The following PABPC4 variants were observed in gnomAD, a reference collection of about 807,000 sequenced individuals.
The protein encoded by PABPC4 is polyadenylate-binding protein 4.
PABPC4 carries 15 observed loss-of-function variants against 74.5 expected under a neutral mutation model. The ratio of observed to expected loss-of-function variants is 0.20; its 90% confidence interval spans 0.13 to 0.31. The LOEUF is 0.31. Ranked by LOEUF, PABPC4 falls within the 10% of genes least tolerant of loss-of-function variation. The pLI is 1.00. For synonymous variants in PABPC4, 345 were observed against 303.0 expected (o/e 1.14, Z -1.44); for missense variants, 610 against 853.5 (o/e 0.71, Z 3.55).
intron 7 of PABPC4, among the ~76,000 whole-genome samples, chr1:39,566,382 A>G (rs185140289): frequency 6.6e-6 from 1 of 152,312 alleles, no homozygotes; most frequent in East Asian, 1.9e-4. Context: ...GCTCAGAGAT[A>G]GGCAGCCTAG....
intron 3 of PABPC4, 60 bp from the exon 4 acceptor site, chr1:39,570,062 A>G: frequency 3.3e-6 from 5 of 1,529,194 alleles, no homozygotes; most frequent in Non-Finnish European, 4.5e-6. Flanking sequence ...ATGTCCAGGG[A>G]CCCAAAGGAA....
chr1:39,572,577 GC>G lies in PABPC4; in HGVS notation c.202del (p.Ala68LeufsTer5). The G allele has an allele frequency of 6.2e-7, 1 of 1,613,224 alleles. No homozygotes were observed. The highest frequency in any genetic ancestry group is 8.5e-7 in the Non-Finnish European group (1 of 1,179,388). On this transcript the variant is annotated frameshift_variant, in exon 2 of 16. Coordinates refer to ENST00000372858, the MANE Select transcript of PABPC4 (RefSeq NM_001135653.2). LOFTEE classifies it high-confidence loss of function. Reference protein sequence around the residue: ...NFQQPADAERALDTMNFDVIK... With the variant: ...NFQQPADAERXLDTMNFDVIK... ...CACATCAAAGTTCATGGTGTCCAAA[GC>G]CCGCTCAGCTGTAAGAGAGAAACAC... is the stretch of plus-strand genomic sequence containing the variant.
chr1:39,572,601 C>A lies in PABPC4; in HGVS notation c.194-15G>T. The A allele has an allele frequency of 6.2e-7, 1 of 1,605,512 alleles. No homozygotes were observed. Among genetic ancestry groups the A allele is most frequent in the Non-Finnish European group, 8.5e-7 (1 of 1,173,518 alleles). On this transcript the variant is annotated splice_polypyrimidine_tract_variant and intron_variant, in intron 1 of 15. Coordinates refer to ENST00000372858, the MANE Select transcript of PABPC4 (RefSeq NM_001135653.2). ...AGCCCGCTCAGCTGTAAGAGAGAAA[C>A]ACATTTCAATAAGGAGAGAAAACGT... is the stretch of plus-strand genomic sequence containing the variant.
chr1:39,570,601 C>CG (rs1268839475), intron 3 of PABPC4: 1 of 154,696 alleles, frequency 6.5e-6, no homozygotes, highest in African/African-American at 2.4e-5. Context: ...CTTATTGTCT[C>CG]TTCTTCTCCC....
At position 39,571,218 on chromosome 1, in the gene PABPC4, G is replaced by C. The variant is rs371787556; in HGVS notation, c.503+16C>G. 1.2e-6 allele frequency: 2 copies of C among 1,613,782 alleles called. No individual in the cohort carries two copies. The highest frequency in any genetic ancestry group is 2.7e-5 in the African/African-American group (2 of 74,922). The stretch of plus-strand genomic sequence containing the variant: ...TGGCTCATGCGATGGTTGTTGCTCC[G>C]GACTGGGACACTCACACTTTGCGGT... On this transcript the variant is annotated intron_variant, in intron 3 of 15. Coordinates refer to ENST00000372858, the MANE Select transcript of PABPC4 (RefSeq NM_001135653.2).
At chr1:39,567,504 G>A (rs1031247416) in intron 7 of PABPC4, 5 of 618,178 alleles carry the variant, frequency 8.1e-6, no homozygotes, top group Admixed American at 1.8e-5. Context: ...GAAAGATTCA[G>A]GTGCTCTGAG....
In PABPC4 at chr1:39,575,768, G is replaced by T; in HGVS notation, c.184C>A (p.Pro62Thr). ...LGYAYVNFQQ[P>T]ADAERALDTM... Reference sequence around the variant, plus strand: ...CACAGCTTCTACTCACCGTCGGCCGGCTGCTGGAAGTTGACGTAGGCATAG... The same window carrying T: ...CACAGCTTCTACTCACCGTCGGCCGTCTGCTGGAAGTTGACGTAGGCATAG... Residue 62 changes from proline (P) to threonine (T), a missense_variant, in exon 1 of 16, where the codon CCG (proline) becomes ACG (threonine). This residue lies in a region of PABPC4 where 304 missense variants were observed against 478.9 expected (regional missense o/e 0.63). Coordinates refer to ENST00000372858, the MANE Select transcript of PABPC4 (RefSeq NM_001135653.2). 1 of 1,595,222 alleles carries T rather than the reference G, an allele frequency of 6.3e-7. No individual in the cohort carries two copies. The highest frequency in any genetic ancestry group is 8.6e-7 in the Non-Finnish European group (1 of 1,169,456).
At chr1:39,573,929 T>C (rs1225883797) in intron 1 of PABPC4, among the ~76,000 whole-genome samples, 1 of 152,100 alleles carries the variant, frequency 6.6e-6, no homozygotes, top group African/African-American at 2.4e-5. Context: ...GGTGGCCACT[T>C]TTCCTTAAGG....
chr1:39,563,693 G>A lies in PABPC4; in HGVS notation c.1589C>T (p.Ala530Val). ...QNLAPRAAVA[A>V]AAPRAVAPYK... ...GGGGGCAACAGCCCGGGGAGCAGCA[G>A]CAGCAACAGCAGCGCGTGGCGCTAA... Residue 530 changes from alanine to valine, a missense_variant, in exon 12 of 16, where the codon GCT becomes GTT. Physicochemically the swap from Ala to Val is moderately conservative, Grantham distance 64. This residue lies in a region of PABPC4 where 277 missense variants were observed against 301.8 expected (regional missense o/e 0.92). Transcript: ENST00000372858. The A allele has an allele frequency of 6.2e-7, 1 of 1,614,288 alleles. No homozygotes were observed. The highest frequency in any genetic ancestry group is 8.5e-7 in the Non-Finnish European group (1 of 1,180,046).
chr1:39,562,546 AG>A (rs1645780845), intron 12 of PABPC4, 130 bp from the exon 13 acceptor site: 1 of 660,014 alleles, frequency 1.5e-6, no homozygotes, highest in Non-Finnish European at 2.6e-6. Flanking sequence ...CTTGCTCTAA[AG>A]GAACTAATTT....
chr1:39,576,015 A>G lies in PABPC4; in HGVS notation c.-64T>C. On this transcript the variant is annotated 5_prime_UTR_variant, in exon 1 of 16. Coordinates refer to ENST00000372858, the MANE Select transcript of PABPC4 (RefSeq NM_001135653.2). ...CTTCTTATCGGGCCCGCCGCAGGAC[A>G]AAGGGGCGCCTTCGGAGCCCGGGCC... The G allele has an allele frequency of 8.5e-7, 1 of 1,182,192 alleles. No homozygotes were observed. Among genetic ancestry groups the G allele is most frequent in the Non-Finnish European group, 1.1e-6 (1 of 889,246 alleles). 73.2% of individuals were successfully genotyped at this position (1,182,192 alleles called of 1,614,324 possible).
At chr1:39,572,282 G>A (rs1645953237) in intron 2 of PABPC4, 111 bp downstream of exon 2, 2 of 847,846 alleles carry the variant, frequency 2.4e-6, no homozygotes, top group South Asian at 1.8e-5. Flanking sequence ...CCAGCATTTT[G>A]AAAATTCCCA....
Position 39,561,133 on chromosome 1 carries a change from A to G in PABPC4, c.*14-11T>C. ...TTTGGCTTTTGAATCCTGTAAAGAA[A>G]AGCACCAACACAAATAAATGCATAA... is the stretch of plus-strand genomic sequence containing the variant. On this transcript the variant is annotated splice_polypyrimidine_tract_variant and intron_variant, in intron 15 of 15. Coordinates refer to ENST00000372858, the MANE Select transcript of PABPC4 (RefSeq NM_001135653.2). 2.1e-6 allele frequency: 1 copy of G among 471,012 alleles called. No homozygotes were observed. Among genetic ancestry groups the G allele is most frequent in the Non-Finnish European group, 4.4e-6 (1 of 226,978 alleles). The allele number at this position is 471,012 out of a possible 1,614,324, so 29.2% of individuals were successfully genotyped here. A position where few individuals can be genotyped will look rare whatever the true frequency, so the allele number is the denominator to read the frequency against.
At position 39,563,881 on chromosome 1, in the gene PABPC4, C is replaced by T. The variant is rs1375189248; in HGVS notation, c.1495G>A (p.Ala499Thr). 1.9e-6 allele frequency: 3 copies of T among 1,614,252 alleles called. No homozygotes were observed. Among genetic ancestry groups the T allele is most frequent in the South Asian group, 1.1e-5 (1 of 91,080 alleles). Residue 499 changes from alanine (A) to threonine (T), a missense_variant, in exon 11 of 16, where the codon GCT becomes ACT. Around this residue, in one of 4 missense-constraint regions of PABPC4, gnomAD observed 277 missense variants for 301.8 expected, o/e 0.92. Transcript: ENST00000372858. ...GTCAGCCCTTGCTGGGCGGCACCAG[C>T]CCCACCAAAGTCCATAGCCAAGCGG... ...PDRLAMDFGG[A>T]GAAQQGLTDS...
At chr1:39,561,507 C>G in intron 15 of PABPC4, 178 bp downstream of exon 15, 3 of 596,286 alleles carry the variant, frequency 5.0e-6, no homozygotes, top group Non-Finnish European at 6.1e-6. Flanking sequence ...CTCCTGCAGA[C>G]AAAGTCCACA....
chr1:39,564,477 G>T lies in PABPC4; in HGVS notation c.1399C>A (p.Pro467Thr). 1 of 1,614,206 alleles carries T rather than the reference G, an allele frequency of 6.2e-7. No homozygotes were observed. Among genetic ancestry groups the T allele is most frequent in the Non-Finnish European group, 8.5e-7 (1 of 1,180,042 alleles). Residue 467 changes from proline to threonine, a missense_variant, in exon 10 of 16, where the codon CCA (proline) becomes ACA (threonine). This residue lies in a region of PABPC4 where 277 missense variants were observed against 301.8 expected (regional missense o/e 0.92). Transcript: ENST00000372858. The stretch of plus-strand genomic sequence containing the variant: ...CGAGAGGCCGGAGCATTACCAGTTG[G>T]AGCCAGATGGCGAAGAGTTGGACGA... ...GPRPTLRHLA[P>T]TGNAPASRGL... is the part of the protein sequence containing the mutation.
chr1:39,561,846 T>A, intron 14 of PABPC4, 59 bp from the exon 15 acceptor site: 1 of 1,452,912 alleles, frequency 6.9e-7, no homozygotes, highest in East Asian at 2.3e-5. Flanking sequence ...CCCTCCCCAG[T>A]GCCCAGACCT....
At chr1:39,564,377 GACT>G (rs752323637) in intron 10 of PABPC4, 43 bp downstream of exon 10, 1 of 1,603,154 alleles carries the variant, frequency 6.2e-7, no homozygotes, top group East Asian at 2.2e-5. Flanking sequence ...TAGTCATCCT[GACT>G]CCCTCCTCCC....
intron 3 of PABPC4, chr1:39,570,486 C>G (rs1255049221): frequency 6.4e-6 from 1 of 156,152 alleles, no homozygotes; most frequent in Non-Finnish European, 1.4e-5. Flanking sequence ...TTAGTGATAT[C>G]TGTAGATCAA....
Sources: gnomAD v4.1 joint callset for allele counts (sites outside exome capture counted in the v4.1 genomes callset) on GRCh38, gnomAD v4.1.1 for gene constraint, gnomAD v4.1.1 regional missense constraint, MANE v1.5 for transcripts, NCBI Gene and HGNC (gene_info 2026-07-23, HGNC 2026-07-21) for gene names.